AK9: variants seen among roughly 807,000 people sequenced by gnomAD.
The protein encoded by AK9 is adenylate kinase 9, also known as adenylate kinase domain containing 1.
A neutral mutation model predicts 239.6 loss-of-function variants in AK9; 191 were observed. That is an observed-to-expected ratio of 0.80 (90% CI 0.71 to 0.90). The LOEUF is 0.90. Among genes scored for constraint, AK9 ranks in the 40% least tolerant of loss-of-function variants. AK9 has a pLI of 0.00. For synonymous variants in AK9, 689 were observed against 721.0 expected (o/e 0.96, Z 0.71); for missense variants, 1,995 against 2,214.7 (o/e 0.90, Z 1.99).
rs775505029 is a variant in AK9 at position 109,662,680 on chromosome 6, A to G, written c.332-17T>C. The G allele has an allele frequency of 2.9e-6, 4 of 1,394,516 alleles. No homozygotes were observed. In the South Asian group the frequency reaches 7.0e-5, roughly 24 times the overall value. The allele number at this position is 1,394,516 out of a possible 1,614,324, so 86.4% of individuals were successfully genotyped here. ...TAATATAACCTGTAAAGTAAAATATAATTTTAAAACTTTTATAAAATTATC... is the reference window on the plus strand; with the variant it reads ...TAATATAACCTGTAAAGTAAAATATGATTTTAAAACTTTTATAAAATTATC... On this transcript the variant is annotated splice_polypyrimidine_tract_variant and intron_variant, in intron 5 of 40. Transcript: ENST00000424296.
intron 20 of AK9, among the ~76,000 whole-genome samples, chr6:109,576,208 A>C (rs1446596088): frequency 5.3e-5 from 8 of 152,100 alleles, no homozygotes; most frequent in Non-Finnish European, 7.4e-5. Context: ...TCTGTGAAGA[A>C]TAATGATGGT....
chr6:109,554,317 A>G (rs571267661), intron 24 of AK9, among the ~76,000 whole-genome samples: 1 of 152,252 alleles, frequency 6.6e-6, no homozygotes, highest in South Asian at 2.1e-4. Flanking sequence ...CTGTGAATGC[A>G]TCTGATCCTG....
chr6:109,554,488 G>A (rs1784725374), intron 24 of AK9, among the ~76,000 whole-genome samples: 1 of 148,260 alleles, frequency 6.7e-6, no homozygotes, highest in African/African-American at 2.5e-5. Context: ...TTGCATAGAG[G>A]TGTTAATATT....
Position 109,506,373 on chromosome 6 carries a change from T to C in AK9, c.4803A>G (p.Gln1601=), listed in dbSNP as rs767155874. 12 of 1,613,822 alleles carry C rather than the reference T, an allele frequency of 7.4e-6. No homozygotes were observed. The highest frequency in any genetic ancestry group is 1.0e-5 in the Non-Finnish European group (12 of 1,179,930). Residue 1601 remains glutamine (Q), a synonymous_variant, in exon 35 of 41, where the codon CAA becomes CAG. Coordinates refer to ENST00000424296, the MANE Select transcript of AK9 (RefSeq NM_001145128.3). ...WVWNEVIKNV[Q]MVNKYMQTYL... is the part of the protein sequence containing the mutation. ...ATGTCTGCATGTATTTATTCACCAT[T>C]TGAACATTCTTAATGACTTCATTCC...
chr6:109,522,530 TTTAAC>T (rs1304824764), intron 29 of AK9, among the ~76,000 whole-genome samples: 1 of 152,054 alleles, frequency 6.6e-6, no homozygotes, highest in African/African-American at 2.4e-5. Flanking sequence ...CAATTTAACT[TTTAAC>T]TTATTTTAGT....
chr6:109,528,670 A>T (rs1780827313), intron 29 of AK9: 2 of 470,268 alleles, frequency 4.3e-6, no homozygotes, highest in Non-Finnish European at 8.5e-6. Flanking sequence ...AGTCCAGCAT[A>T]TTCACACCAG....
chr6:109,594,937 A>G (rs1424180434), intron 17 of AK9, among the ~76,000 whole-genome samples: 7 of 152,204 alleles, frequency 4.6e-5, no homozygotes, highest in Non-Finnish European at 8.8e-5. Flanking sequence ...ACCATTCAGG[A>G]CATAGGCATG....
chr6:109,659,327 A>T lies in AK9; in HGVS notation c.531T>A (p.Asp177Glu). 1 of 1,608,820 alleles carries T rather than the reference A, an allele frequency of 6.2e-7. No homozygotes were observed. The highest frequency in any genetic ancestry group is 8.5e-7 in the Non-Finnish European group (1 of 1,178,668). Residue 177 changes from aspartate to glutamate, a missense_variant, in exon 7 of 41, where the codon GAT becomes GAA. Around this residue, in one of 5 missense-constraint regions of AK9, gnomAD observed 252 missense variants for 246.4 expected, o/e 1.02. Transcript: ENST00000424296. ...TGYIYSRDQW[D>E]PEVIENHRKK... ...TCCTATGATTCTCAATGACTTCAGGATCCCACTGGTCTCTACTGTATATGT... is the reference window on the plus strand; with the variant it reads ...TCCTATGATTCTCAATGACTTCAGGTTCCCACTGGTCTCTACTGTATATGT...
At chr6:109,606,437 G>A (rs1036734393) in intron 17 of AK9, among the ~76,000 whole-genome samples, 5 of 152,192 alleles carry the variant, frequency 3.3e-5, no homozygotes, top group African/African-American at 1.2e-4. Context: ...AGGTACAGAT[G>A]TTAGAGGGAA....
intron 16 of AK9, among the ~76,000 whole-genome samples, chr6:109,611,349 G>A (rs1793557487): frequency 6.6e-6 from 1 of 152,172 alleles, no homozygotes; most frequent in Non-Finnish European, 1.5e-5. Flanking sequence ...GTGCCCATGG[G>A]AGCGGGTGCA....
At chr6:109,597,885 A>T (rs931294798) in intron 17 of AK9, among the ~76,000 whole-genome samples, 5 of 152,090 alleles carry the variant, frequency 3.3e-5, no homozygotes, top group African/African-American at 1.2e-4. Flanking sequence ...AACTTGAGAA[A>T]CCCAGTGCCT....
chr6:109,526,418 G>C (rs1780527828), intron 29 of AK9, among the ~76,000 whole-genome samples: 2 of 152,022 alleles, frequency 1.3e-5, no homozygotes, highest in Non-Finnish European at 2.9e-5. Flanking sequence ...GGGGAACAGA[G>C]AAACAGAAAA....
chr6:109,568,596 T>A (rs1048390908), intron 21 of AK9, among the ~76,000 whole-genome samples: 4 of 152,140 alleles, frequency 2.6e-5, no homozygotes, highest in African/African-American at 9.7e-5. Context: ...GGATACAAAA[T>A]CAATGTGCAA....
intron 17 of AK9, among the ~76,000 whole-genome samples, chr6:109,600,338 T>C (rs1032383261): frequency 2.0e-5 from 3 of 152,252 alleles, no homozygotes; most frequent in Non-Finnish European, 2.9e-5. Flanking sequence ...GAGATAATCA[T>C]GTGGTTTTTG....
At position 109,579,607 on chromosome 6, in the gene AK9, AT is replaced by A. The variant is rs1301864747; in HGVS notation, c.2133del (p.Glu711AspfsTer2). The A allele has an allele frequency of 2.3e-5, 35 of 1,551,120 alleles. No individual in the cohort carries two copies. The highest frequency in any genetic ancestry group is 3.0e-5 in the Non-Finnish European group (34 of 1,146,794). ...CTTCGATTTTCTTCTTCGAGTCTCAATTCCTCTTCTGTGGCTTTTCTGAAAT... is the reference window on the plus strand; with the variant it reads ...CTTCGATTTTCTTCTTCGAGTCTCAATCCTCTTCTGTGGCTTTTCTGAAAT... ...EEEARKATEE[E>X]LRLEEENRRL... On this transcript the variant is annotated frameshift_variant, in exon 20 of 41. Coordinates refer to ENST00000424296, the MANE Select transcript of AK9 (RefSeq NM_001145128.3). LOFTEE classifies it high-confidence loss of function.
intron 24 of AK9, among the ~76,000 whole-genome samples, chr6:109,554,839 T>C (rs1784794425): frequency 6.6e-6 from 1 of 152,096 alleles, no homozygotes; most frequent in Non-Finnish European, 1.5e-5. Flanking sequence ...GCCCAGCAAT[T>C]TGTATTTCTG....
chr6:109,640,174 A>C (rs954425897), intron 10 of AK9, among the ~76,000 whole-genome samples: 1 of 152,204 alleles, frequency 6.6e-6, no homozygotes, highest in African/African-American at 2.4e-5. Context: ...GCTGCCTCAC[A>C]GTTCAATCTC....
chr6:109,605,439 A>AT (rs942201066), intron 17 of AK9, among the ~76,000 whole-genome samples: 9 of 150,572 alleles, frequency 6.0e-5, no homozygotes, highest in African/African-American at 1.7e-4. Flanking sequence ...TTTTCTTGCT[A>AT]TTTTTTTTTC....
intron 35 of AK9, 123 bp from the exon 36 acceptor site, chr6:109,499,363 T>C (rs1226942596): frequency 2.7e-6 from 2 of 743,974 alleles, no homozygotes; most frequent in East Asian, 6.8e-5. Flanking sequence ...TTCCAAACAA[T>C]AGAGTAAAAA....
Sources: gnomAD v4.1 joint callset for allele counts (sites outside exome capture counted in the v4.1 genomes callset) on GRCh38, gnomAD v4.1.1 for gene constraint, gnomAD v4.1.1 regional missense constraint, MANE v1.5 for transcripts, NCBI Gene and HGNC (gene_info 2026-07-23, HGNC 2026-07-21) for gene names.